The following NBDY variants were observed in gnomAD, a reference collection of about 807,000 sequenced individuals.
The protein encoded by NBDY is negative regulator of P-body association, also known as P-body dissociating protein.
intron 2 of NBDY, among the ~76,000 whole-genome samples, chrX:56,763,998 G>A (rs1186142374): frequency 1.8e-5 from 2 of 112,453 alleles, no homozygotes; most frequent in South Asian, 3.7e-4. Flanking sequence ...GAAACCCCAC[G>A]AGCGCAAAAG....
intron 2 of NBDY, among the ~76,000 whole-genome samples, chrX:56,766,557 C>T (rs980615281): frequency 1.8e-5 from 2 of 112,143 alleles, no homozygotes; most frequent in Admixed American, 1.9e-4. Flanking sequence ...AAACACACAT[C>T]GCCACAGGCA....
At chrX:56,739,266 A>G (rs867943655) in intron 2 of NBDY, among the ~76,000 whole-genome samples, 31 of 72,948 alleles carry the variant, frequency 4.2e-4, no homozygotes, top group East Asian at 3.3e-3. Flanking sequence ...ATATATATGT[A>G]TGTATATATA....
intron 2 of NBDY, among the ~76,000 whole-genome samples, chrX:56,783,498 G>A (rs1452281903): frequency 8.9e-6 from 1 of 112,254 alleles, no homozygotes; most frequent in Non-Finnish European, 1.9e-5. Context: ...GCTCCACTCT[G>A]TGGGCTGACG....
chrX:56,807,245 C>T (rs1018601709), intron 2 of NBDY, among the ~76,000 whole-genome samples: 3 of 111,846 alleles, frequency 2.7e-5, no homozygotes, highest in African/African-American at 9.8e-5. Flanking sequence ...AGTTAGGCAG[C>T]GTGATGCTTC....
chrX:56,803,447 A>G (rs1333652979), intron 2 of NBDY, among the ~76,000 whole-genome samples: 4 of 111,876 alleles, frequency 3.6e-5, no homozygotes, highest in Non-Finnish European at 5.6e-5. Flanking sequence ...GTCAGTAGTC[A>G]GTGGCTTCCC....
chrX:56,781,714 G>T (rs2069692391), intron 2 of NBDY, among the ~76,000 whole-genome samples: 1 of 112,010 alleles, frequency 8.9e-6, no homozygotes, highest in African/African-American at 3.2e-5. Context: ...TATGCACGGG[G>T]ACATGGTTAA....
rs927681069 is a variant in NBDY, at chrX:56,818,226, T to C, written c.*1073T>C. 9.0e-6 allele frequency: 1 copy of C among 111,537 alleles called. No individual in the cohort carries two copies. The highest frequency in any genetic ancestry group is 1.9e-5 in the Non-Finnish European group (1 of 53,060). The allele number at this position is 111,537 out of a possible 1,213,427, so 9.2% of individuals were successfully genotyped here. A position where few individuals can be genotyped will look rare whatever the true frequency, so the allele number is the denominator to read the frequency against. The stretch of plus-strand genomic sequence containing the variant: ...TGTCAGATAAACTTGGCTTATAAAT[T>C]AAAATATAAAATAATAATACAATTT... On this transcript the variant is annotated 3_prime_UTR_variant, in exon 3 of 3. Coordinates refer to ENST00000374922, the MANE Select transcript of NBDY (RefSeq NM_001348129.2).
intron 1 of NBDY, among the ~76,000 whole-genome samples, chrX:56,731,426 C>T (rs989642978): frequency 3.2e-4 from 32 of 100,472 alleles, no homozygotes; most frequent in Non-Finnish European, 2.1e-4. Flanking sequence ...AAAAAAATAG[C>T]CGGTCATGGT....
At chrX:56,767,355 C>T (rs1424528266) in intron 2 of NBDY, among the ~76,000 whole-genome samples, 1 of 113,296 alleles carries the variant, frequency 8.8e-6, no homozygotes, top group East Asian at 2.8e-4. Context: ...CTCGCTCGCT[C>T]TCGGCGCCCC....
chrX:56,762,085 T>C (rs1277429359), intron 2 of NBDY, among the ~76,000 whole-genome samples: 1 of 111,179 alleles, frequency 9.0e-6, no homozygotes, highest in Non-Finnish European at 1.9e-5. Flanking sequence ...ACAAGAAGCT[T>C]CTTGGTGGTG....
At chrX:56,763,102 A>G (rs767982156) in intron 2 of NBDY, among the ~76,000 whole-genome samples, 1 of 112,509 alleles carries the variant, frequency 8.9e-6, no homozygotes, top group South Asian at 3.7e-4. Flanking sequence ...TTGATGGGCA[A>G]CTCTCGCCTT....
At position 56,730,077 on chromosome X, in the gene NBDY, A is replaced by AAGGCAGG. The variant is rs758055798; in HGVS notation, c.*29+491_*29+497dup. On this transcript the variant is annotated intron_variant, in intron 1 of 2. Transcript: ENST00000374922. ...CAGAAGTGTATGTCTTTCTCTGTGT[A>AAGGCAGG]AGGCAGGAGAGTTGAATTTTTTTTT... Among the ~76,000 whole-genome samples, 14 of 110,366 alleles carry AAGGCAGG rather than the reference A, an allele frequency of 1.3e-4. No homozygotes were observed. In the South Asian group the frequency reaches 5.5e-3, roughly 44 times the overall value.
intron 2 of NBDY, among the ~76,000 whole-genome samples, chrX:56,755,820 C>T (rs375793061): frequency 1.5e-4 from 16 of 107,224 alleles, no homozygotes; most frequent in East Asian, 2.9e-4. Context: ...TAAATCATGC[C>T]GCTATAAAGA....
rs1328999971 is a variant in NBDY at position 56,818,330 on chromosome X, C to T, written c.*1177C>T. On this transcript the variant is annotated 3_prime_UTR_variant, in exon 3 of 3. Transcript: ENST00000374922. ...TGAAACCTGAGTATTTTACCCAATC[C>T]TCTGAAATTAGTCCCTAGCATCAGA... The T allele has an allele frequency of 9.0e-6, 1 of 111,587 alleles. No homozygotes were observed. Among genetic ancestry groups the T allele is most frequent in the African/African-American group, 3.2e-5 (1 of 30,780 alleles). 9.2% of individuals were successfully genotyped at this position (111,587 alleles called of 1,213,427 possible).
intron 2 of NBDY, among the ~76,000 whole-genome samples, chrX:56,800,917 T>G (rs1156398757): frequency 9.0e-6 from 1 of 110,875 alleles, no homozygotes; most frequent in Non-Finnish European, 1.9e-5. Context: ...CATTACCTCC[T>G]TTCTCTGGTA....
At position 56,808,908 on chromosome X, in the gene NBDY, T is replaced by A. The variant is rs184724681; in HGVS notation, c.*167-8412T>A. Reference sequence around the variant, plus strand: ...TCTTGTGGGCATTTAGTGCTATAAGTTTCCCTCTCCACACTGCTTTAAACG... The same window carrying A: ...TCTTGTGGGCATTTAGTGCTATAAGATTCCCTCTCCACACTGCTTTAAACG... On this transcript the variant is annotated intron_variant, in intron 2 of 2. Coordinates refer to ENST00000374922, the MANE Select transcript of NBDY (RefSeq NM_001348129.2). 9.7e-5 allele frequency among the ~76,000 whole-genome samples: 11 copies of A among 112,926 alleles called. No homozygotes were observed. In the East Asian group the frequency reaches 2.8e-3, roughly 29 times the overall value.
At chrX:56,767,360 C>T (rs1365690936) in intron 2 of NBDY, among the ~76,000 whole-genome samples, 2 of 113,195 alleles carry the variant, frequency 1.8e-5, no homozygotes, top group Non-Finnish European at 1.9e-5. Context: ...TCGCTCTCGG[C>T]GCCCCCTCGG....
intron 2 of NBDY, among the ~76,000 whole-genome samples, chrX:56,767,398 A>AG (rs2069671779): frequency 8.8e-6 from 1 of 113,079 alleles, no homozygotes; most frequent in South Asian, 3.6e-4. Flanking sequence ...GCCGCCCTTG[A>AG]GGAGCCCCTC....
At chrX:56,790,171 C>T (rs2069753776) in intron 2 of NBDY, among the ~76,000 whole-genome samples, 2 of 112,582 alleles carry the variant, frequency 1.8e-5, no homozygotes, top group South Asian at 7.4e-4. Flanking sequence ...AAGCCATGAC[C>T]GCGTTGCTCT....
Sources: allele counts gnomAD v4.1 joint callset (sites outside exome capture counted in the v4.1 genomes callset), GRCh38; gene constraint gnomAD v4.1.1; transcripts MANE v1.5; gene names NCBI Gene and HGNC (gene_info 2026-07-23, HGNC 2026-07-21).